Variants in RASEF observed in about 807,000 individuals in gnomAD.
RASEF encodes RAS and EF-hand domain containing, also known as ras and EF-hand domain-containing protein.
RASEF carries 68 observed loss-of-function variants against 90.1 expected under a neutral mutation model. The ratio of observed to expected loss-of-function variants is 0.75; its 90% CI spans 0.62 to 0.92. The LOEUF is 0.92. Ranked by LOEUF, RASEF falls within the 40% of genes least tolerant of loss-of-function variation. RASEF has a pLI of 0.00. For missense variants in RASEF, 949 were observed against 937.2 expected, an observed-to-expected ratio of 1.01 and a Z score of -0.16; for synonymous variants, 331 against 345.2, an observed-to-expected ratio of 0.96 and a Z score of 0.46.
At chr9:83,169,143 T>C in the RASEF span, among the ~76,000 whole-genome samples, 1 of 152,144 alleles carries the variant, frequency 6.6e-6, no homozygotes, top group African/African-American at 2.4e-5. Flanking sequence ...CTTAACATAA[T>C]GTCCTCCAGT....
chr9:83,155,788 T>C, the RASEF span, among the ~76,000 whole-genome samples: 2 of 152,146 alleles, frequency 1.3e-5, no homozygotes, highest in African/African-American at 4.8e-5. Flanking sequence ...AAAACATAAT[T>C]TTCTCCATTT....
At chr9:83,059,530 T>C (rs1232185750) in intron 1 of RASEF, among the ~76,000 whole-genome samples, 1 of 152,116 alleles carries the variant, frequency 6.6e-6, no homozygotes, top group African/African-American at 2.4e-5. Context: ...AGTATGAAAC[T>C]CCCTTTCACC....
the RASEF span, among the ~76,000 whole-genome samples, chr9:83,088,447 G>A: frequency 2.0e-5 from 3 of 151,744 alleles, no homozygotes; most frequent in African/African-American, 7.3e-5. Context: ...GGCTAATAGT[G>A]TTGTTCAAAT....
chr9:83,049,328 A>C, intron 1 of RASEF: 1 of 985,354 alleles, frequency 1.0e-6, no homozygotes, highest in Non-Finnish European at 1.2e-6. Context: ...ACGGGGATGC[A>C]GTTTTCCAAG....
chr9:83,149,656 G>A, the RASEF span, among the ~76,000 whole-genome samples: 3 of 152,220 alleles, frequency 2.0e-5, no homozygotes, highest in South Asian at 2.1e-4. Flanking sequence ...GATCAGACCC[G>A]AGCTTTAAAA....
At chr9:83,198,011 C>T in the RASEF span, among the ~76,000 whole-genome samples, 2 of 152,208 alleles carry the variant, frequency 1.3e-5, no homozygotes, top group African/African-American at 4.8e-5. Context: ...TTAATGTGTA[C>T]ATCTCCTCGA....
intron 12 of RASEF, among the ~76,000 whole-genome samples, chr9:82,999,623 T>C (rs1023168974): frequency 6.6e-6 from 1 of 151,132 alleles, no homozygotes; most frequent in Non-Finnish European, 1.5e-5. Context: ...TTTTTTTTTG[T>C]GGCAGGGTCT....
intron 5 of RASEF, among the ~76,000 whole-genome samples, chr9:83,010,025 T>C (rs938699092): frequency 1.3e-5 from 2 of 152,212 alleles, no homozygotes; most frequent in Admixed American, 1.3e-4. Flanking sequence ...GGGTTTATCA[T>C]GATGTATTTC....
At chr9:83,140,839 C>A in the RASEF span, among the ~76,000 whole-genome samples, 1 of 151,990 alleles carries the variant, frequency 6.6e-6, no homozygotes. Flanking sequence ...ATAGAAATAA[C>A]TGAGGTGCAA....
chr9:83,092,510 C>T, the RASEF span, among the ~76,000 whole-genome samples: 3 of 151,674 alleles, frequency 2.0e-5, no homozygotes, highest in South Asian at 2.1e-4. Context: ...TGGAGTTGTT[C>T]GTTCCTCCCG....
chr9:83,010,260 G>A (rs1354333063), intron 5 of RASEF, among the ~76,000 whole-genome samples: 1 of 152,018 alleles, frequency 6.6e-6, no homozygotes, highest in Non-Finnish European at 1.5e-5. Context: ...AAATAATATT[G>A]GAGACATTCG....
At chr9:83,145,990 T>C in the RASEF span, among the ~76,000 whole-genome samples, 1 of 151,900 alleles carries the variant, frequency 6.6e-6, no homozygotes, top group Non-Finnish European at 1.5e-5. Context: ...TAATTTAAAA[T>C]GTAGTTATAA....
At chr9:83,135,210 A>G in the RASEF span, among the ~76,000 whole-genome samples, 1 of 152,136 alleles carries the variant, frequency 6.6e-6, no homozygotes, top group Non-Finnish European at 1.5e-5. Flanking sequence ...GCATGGATGA[A>G]GCTGGAAACC....
intron 4 of RASEF, among the ~76,000 whole-genome samples, chr9:83,014,980 T>C (rs1564077797): frequency 6.6e-6 from 1 of 152,030 alleles, no homozygotes; most frequent in Non-Finnish European, 1.5e-5. Flanking sequence ...CCAACCACAT[T>C]AAACAAACAA....
the RASEF span, among the ~76,000 whole-genome samples, chr9:83,144,380 AAAGAAAGAAAGG>A: frequency 6.8e-5 from 4 of 58,736 alleles, no homozygotes; most frequent in South Asian, 7.7e-4. Context: ...AGAAAGAAAG[AAAGAAAGAAAGG>A]AAAGAAAGAA....
chr9:83,037,313 A>C (rs535964986), intron 1 of RASEF, among the ~76,000 whole-genome samples: 1 of 150,200 alleles, frequency 6.7e-6, no homozygotes, highest in Non-Finnish European at 1.5e-5. Flanking sequence ...AGATGCTTCA[A>C]AAAAAAAAAT....
chr9:83,043,592 G>A (rs1178719787), intron 1 of RASEF, among the ~76,000 whole-genome samples: 2 of 152,154 alleles, frequency 1.3e-5, no homozygotes, highest in Non-Finnish European at 2.9e-5. Flanking sequence ...GAGCATAAAT[G>A]ACTGTATCCT....
chr9:83,179,369 A>G, the RASEF span, among the ~76,000 whole-genome samples: 1 of 152,056 alleles, frequency 6.6e-6, no homozygotes, highest in Non-Finnish European at 1.5e-5. Flanking sequence ...CATACACCCT[A>G]CCCTCTAGTC....
At chr9:83,167,519 GACATATAACTCACAC>G in the RASEF span, among the ~76,000 whole-genome samples, 4 of 152,120 alleles carry the variant, frequency 2.6e-5, no homozygotes, top group African/African-American at 7.2e-5. Flanking sequence ...CAGTTTTATT[GACATATAACTCACAC>G]ACATATAACT....
Sources: gnomAD v4.1 joint callset for allele counts (sites outside exome capture counted in the v4.1 genomes callset) on GRCh38, gnomAD v4.1.1 for gene constraint, MANE v1.5 for transcripts, NCBI Gene and HGNC (gene_info 2026-07-23, HGNC 2026-07-21) for gene names.